ICA1L: variants seen among roughly 807,000 people sequenced by gnomAD.
ICA1L encodes the protein islet cell autoantigen 1 like.
A neutral mutation model predicts 61.3 loss-of-function variants in ICA1L; 50 were observed. The ratio of observed to expected loss-of-function variants is 0.82; its 90% CI spans 0.65 to 1.03. The LOEUF (loss-of-function observed/expected upper bound fraction) is 1.03. ICA1L is among the 50% of genes least tolerant of loss of function. The pLI is 0.00. For missense variants in ICA1L, 508 were observed against 556.7 expected (o/e 0.91, Z 0.88); for synonymous variants, 161 against 191.3 (o/e 0.84, Z 1.31).
At chr2:202,864,358 C>T (rs1687409064) in intron 1 of ICA1L, among the ~76,000 whole-genome samples, 1 of 152,110 alleles carries the variant, frequency 6.6e-6, no homozygotes, top group Non-Finnish European at 1.5e-5. Context: ...ATTCTCCTGC[C>T]TCAGCCTCCC....
chr2:202,786,901 T>A, intron 11 of ICA1L: 1 of 342,658 alleles, frequency 2.9e-6, no homozygotes, highest in Non-Finnish European at 5.7e-6. Flanking sequence ...AAATGTTTGC[T>A]ACAACATGAA....
chr2:202,801,285 G>A (rs1182999803), intron 9 of ICA1L, among the ~76,000 whole-genome samples: 6 of 152,184 alleles, frequency 3.9e-5, no homozygotes, highest in Non-Finnish European at 8.8e-5. Flanking sequence ...GTAATGATCT[G>A]CTTTACCTTA....
chr2:202,841,740 G>T, intron 1 of ICA1L: 1 of 491,702 alleles, frequency 2.0e-6, no homozygotes, highest in East Asian at 5.4e-5. Flanking sequence ...GACCACCTCT[G>T]GTGGACACCT....
intron 3 of ICA1L, among the ~76,000 whole-genome samples, chr2:202,823,937 T>C (rs1693765210): frequency 6.6e-6 from 1 of 152,252 alleles, no homozygotes; most frequent in African/African-American, 2.4e-5. Flanking sequence ...TCATGCTTTA[T>C]TGGATTTATT....
intron 1 of ICA1L, among the ~76,000 whole-genome samples, chr2:202,856,659 G>C (rs994683844): frequency 6.6e-6 from 1 of 152,000 alleles, no homozygotes; most frequent in African/African-American, 2.4e-5. Flanking sequence ...AGAAATAAAG[G>C]GTATTCAAAT....
intron 1 of ICA1L, among the ~76,000 whole-genome samples, chr2:202,859,912 C>T (rs1694865431): frequency 6.6e-6 from 1 of 151,940 alleles, no homozygotes; most frequent in South Asian, 2.1e-4. Flanking sequence ...GTTTTATTAT[C>T]CCAGTTTCAT....
intron 1 of ICA1L, among the ~76,000 whole-genome samples, chr2:202,851,669 C>G (rs1179185648): frequency 1.3e-5 from 2 of 152,152 alleles, no homozygotes; most frequent in Non-Finnish European, 2.9e-5. Context: ...CTCTCCAGCA[C>G]CTGTTGTTTC....
intron 9 of ICA1L, among the ~76,000 whole-genome samples, chr2:202,800,970 T>A (rs1301150139): frequency 6.6e-6 from 1 of 152,056 alleles, no homozygotes; most frequent in African/African-American, 2.4e-5. Context: ...ACAGAAGATT[T>A]AAAAATTTTC....
intron 1 of ICA1L, among the ~76,000 whole-genome samples, chr2:202,864,351 C>T (rs1687408814): frequency 6.6e-6 from 1 of 151,960 alleles, no homozygotes; most frequent in African/African-American, 2.4e-5. Context: ...TCACGCCATT[C>T]TCCTGCCTCA....
intron 12 of ICA1L, among the ~76,000 whole-genome samples, chr2:202,784,712 C>T (rs1170565829): frequency 6.6e-6 from 1 of 152,070 alleles, no homozygotes; most frequent in South Asian, 2.1e-4. Flanking sequence ...TGAAATAAGC[C>T]AGTCACAAAA....
intron 8 of ICA1L, among the ~76,000 whole-genome samples, chr2:202,813,682 CTGTT>C (rs1296077432): frequency 2.6e-5 from 4 of 152,136 alleles, no homozygotes; most frequent in East Asian, 1.9e-4. Flanking sequence ...TGGTTTATCA[CTGTT>C]TGGCCCTTAT....
At chr2:202,867,599 A>G (rs1000303816) in intron 1 of ICA1L, among the ~76,000 whole-genome samples, 2 of 152,234 alleles carry the variant, frequency 1.3e-5, no homozygotes, top group Non-Finnish European at 2.9e-5. Context: ...ATATGACTGT[A>G]TACTAATGGC....
In ICA1L at chr2:202,786,322, G is replaced by A. The variant is rs549836219; in HGVS notation, c.1244-315C>T. ...AGCACTTTGGGAGGCCGAGGCGGGT[G>A]GATCATGAGGTCAGGAGATCGAGAC... On this transcript the variant is annotated intron_variant, in intron 11 of 12. Transcript: ENST00000358299. Among the ~76,000 whole-genome samples the A allele has an allele frequency of 5.9e-5, 9 of 152,038 alleles. No individual in the cohort carries two copies. The South Asian group carries it at 8.3e-4, about 14-fold the overall frequency.
chr2:202,805,624 T>A (rs185068717), intron 9 of ICA1L, among the ~76,000 whole-genome samples: 1 of 151,788 alleles, frequency 6.6e-6, no homozygotes, highest in East Asian at 1.9e-4. Context: ...ATAATAAATA[T>A]AGGAACTAAA....
At chr2:202,797,162 G>GTGTGTGTGTGTA (rs1374435872) in intron 9 of ICA1L, among the ~76,000 whole-genome samples, 198 bp from the exon 10 acceptor site, 3 of 146,382 alleles carry the variant, frequency 2.0e-5, no homozygotes, top group East Asian at 2.1e-4. Flanking sequence ...GTGTGTGTGT[G>GTGTGTGTGTGTA]TATATGTATA....
chr2:202,841,344 C>A lies in ICA1L; in HGVS notation c.-7-12328G>T. 3 of 801,778 alleles carry A rather than the reference C, an allele frequency of 3.7e-6. No homozygotes were observed. The South Asian group carries it at 4.0e-5, about 11-fold the overall frequency. 49.7% of individuals were successfully genotyped at this position (801,778 alleles called of 1,614,324 possible). On this transcript the variant is annotated intron_variant, in intron 1 of 12. Coordinates refer to ENST00000358299, the MANE Select transcript of ICA1L (RefSeq NM_001288622.3). The stretch of plus-strand genomic sequence containing the variant: ...CAGAGTCTCCAGCTGCTGCTTAAGG[C>A]TGTTGATGTAGCTCTCGAACATGTT...
intron 1 of ICA1L, among the ~76,000 whole-genome samples, chr2:202,842,679 A>G (rs1694364808): frequency 6.6e-6 from 1 of 152,148 alleles, no homozygotes; most frequent in Non-Finnish European, 1.5e-5. Flanking sequence ...ATACCTGGAT[A>G]TTTATACCTT....
At chr2:202,812,885 A>AT (rs1423460506) in intron 8 of ICA1L, among the ~76,000 whole-genome samples, 5 of 152,202 alleles carry the variant, frequency 3.3e-5, no homozygotes, top group Non-Finnish European at 1.5e-5. Context: ...ACATGAGAAG[A>AT]TTTTGAATAA....
At chr2:202,779,683 TCA>T (rs1438702660) in intron 12 of ICA1L, 35 bp from the exon 13 acceptor site, 1 of 1,233,068 alleles carries the variant, frequency 8.1e-7, no homozygotes, top group African/African-American at 1.5e-5. Flanking sequence ...TTAAAGAGAT[TCA>T]GTTTTGAAAT....
Sources: allele counts gnomAD v4.1 joint callset (sites outside exome capture counted in the v4.1 genomes callset), GRCh38; gene constraint gnomAD v4.1.1; transcripts MANE v1.5; gene names NCBI Gene and HGNC (gene_info 2026-07-23, HGNC 2026-07-21).